IBTK: variants seen among roughly 807,000 people sequenced by gnomAD.
IBTK encodes inhibitor of Bruton tyrosine kinase.
In IBTK, 83 loss-of-function variants were observed where a neutral mutation model predicts 154.9. The observed-to-expected ratio is 0.54, with a 90% CI of 0.45 to 0.64. The LOEUF (loss-of-function observed/expected upper bound fraction) is 0.64. Among genes scored for constraint, IBTK ranks in the 30% least tolerant of loss-of-function variants. The probability of loss-of-function intolerance (pLI) is 0.00; values close to 1 mark genes in which losing one functional copy is unlikely to be tolerated. For synonymous variants in IBTK, 515 were observed against 536.1 expected (o/e 0.96, Z 0.54); for missense variants, 1,332 against 1,584.6 (o/e 0.84, Z 2.71).
chr6:82,223,194 C>G lies in IBTK; in HGVS notation c.1124+246G>C, dbSNP rs115958020. Among the ~76,000 whole-genome samples the G allele has an allele frequency of 7.2e-3, 1,101 of 152,122 alleles. 16 individuals are homozygous for G. Among genetic ancestry groups the G allele is most frequent in the African/African-American group, 0.024 (1,012 of 41,490 alleles). Reference sequence around the variant, plus strand: ...CAAAAAAAGAAAAAAATATATAGCTCATATTTAACTACATATTAAACATAA... The same window carrying G: ...CAAAAAAAGAAAAAAATATATAGCTGATATTTAACTACATATTAAACATAA... On this transcript the variant is annotated intron_variant, in intron 8 of 28. Coordinates refer to ENST00000306270, the MANE Select transcript of IBTK (RefSeq NM_015525.4).
At chr6:82,197,566 T>C (rs1320747014) in intron 21 of IBTK, among the ~76,000 whole-genome samples, 1 of 152,144 alleles carries the variant, frequency 6.6e-6, no homozygotes, top group Non-Finnish European at 1.5e-5. Flanking sequence ...AGAGACAGCG[T>C]TTCACCATAT....
intron 19 of IBTK, among the ~76,000 whole-genome samples, chr6:82,201,188 C>T (rs867242273): frequency 5.1e-4 from 78 of 152,022 alleles, no homozygotes; most frequent in African/African-American, 1.9e-3. Flanking sequence ...CTGAGGCTTT[C>T]AGTAACTTTC....
chr6:82,185,744 A>G (rs768683435), intron 25 of IBTK, among the ~76,000 whole-genome samples: 2 of 152,092 alleles, frequency 1.3e-5, no homozygotes, highest in Non-Finnish European at 2.9e-5. Flanking sequence ...TATTCACTCA[A>G]TAATTAATGT....
chr6:82,216,284 G>T, intron 10 of IBTK, 34 bp from the exon 11 acceptor site: 1 of 1,364,514 alleles, frequency 7.3e-7, no homozygotes, highest in Non-Finnish European at 1.0e-6. Flanking sequence ...ATTAATCAAG[G>T]CTTTACTGAA....
At chr6:82,190,924 TC>T (rs759955302) in intron 25 of IBTK, 148 bp downstream of exon 25, 3 of 510,262 alleles carry the variant, frequency 5.9e-6, no homozygotes, top group Non-Finnish European at 9.5e-6. Context: ...TTTCCCAAGT[TC>T]CAATTTTTAA....
At chr6:82,194,206 CTACTGA>C (rs1034099906) in intron 23 of IBTK, among the ~76,000 whole-genome samples, 4 of 152,016 alleles carry the variant, frequency 2.6e-5, no homozygotes, top group Non-Finnish European at 5.9e-5. Flanking sequence ...TAAGAAATAA[CTACTGA>C]TACTAAGTTT....
intron 26 of IBTK, chr6:82,175,031 A>G (rs760428867): frequency 2.6e-4 from 117 of 455,832 alleles, no homozygotes; most frequent in Admixed American, 5.2e-4. Flanking sequence ...AGCATCACAC[A>G]CTGTTATTAT....
In IBTK at chr6:82,234,174, C is replaced by T. The variant is rs754960795; in HGVS notation, c.403G>A (p.Val135Ile). ...LVMKDRPTHVVFKNTDPTDVY... is the reference protein window; with the variant it reads ...LVMKDRPTHVIFKNTDPTDVY... ...ATTTTCTTACCAGTATTCTTGAATA[C>T]TACATGAGTTGGTCTATCCTTCATT... The change falls in exon 3 of 29, where the codon GTA becomes ATA. Residue 135 changes from valine to isoleucine, a missense_variant. By Grantham distance (29) the Val-to-Ile change is conservative. This residue lies in a region of IBTK where 114 missense variants were observed against 213.7 expected (regional missense o/e 0.53). Transcript: ENST00000306270. The T allele has an allele frequency of 1.3e-6, 2 of 1,589,170 alleles. No homozygotes were observed. The highest frequency in any genetic ancestry group is 1.1e-5 in the South Asian group (1 of 89,742).
chr6:82,180,504 G>C (rs1168226968), intron 26 of IBTK, among the ~76,000 whole-genome samples: 1 of 151,966 alleles, frequency 6.6e-6, no homozygotes. Flanking sequence ...TGCCCACCTC[G>C]GCCTCCCAAA....
chr6:82,201,558 T>C (rs991650402), intron 18 of IBTK, 76 bp from the exon 19 acceptor site: 4 of 921,424 alleles, frequency 4.3e-6, no homozygotes, highest in South Asian at 1.6e-5. Context: ...CATACGTAGA[T>C]ATTTCATATT....
chr6:82,209,029 A>G (rs1769524400), intron 16 of IBTK, among the ~76,000 whole-genome samples: 1 of 152,216 alleles, frequency 6.6e-6, no homozygotes, highest in African/African-American at 2.4e-5. Flanking sequence ...CAAAACCACA[A>G]TGTTGCATAA....
intron 4 of IBTK, among the ~76,000 whole-genome samples, chr6:82,229,074 G>A (rs1375412750): frequency 6.6e-6 from 1 of 151,992 alleles, no homozygotes; most frequent in Admixed American, 6.6e-5. Flanking sequence ...AATAACAAAT[G>A]GGGCTCTCTA....
chr6:82,211,353 T>C lies in IBTK; in HGVS notation c.2412+14A>G, dbSNP rs200445497. ...CATAGTTACCAACCTAGGCGCTTTT[T>C]ACTTAAATCTTACCTCAATCCATGA... On this transcript the variant is annotated intron_variant, in intron 15 of 28. Coordinates refer to ENST00000306270, the MANE Select transcript of IBTK (RefSeq NM_015525.4). 8.9e-5 allele frequency: 141 copies of C among 1,586,688 alleles called. No homozygotes were observed. Among genetic ancestry groups the C allele is most frequent in the Middle Eastern group, 4.4e-4 (2 of 4,504 alleles).
Position 82,224,166 on chromosome 6 carries a change from T to G in IBTK, c.845A>C (p.Lys282Thr), listed in dbSNP as rs1388744280. The G allele has an allele frequency of 6.2e-7, 1 of 1,613,746 alleles. No individual in the cohort carries two copies. Among genetic ancestry groups the G allele is most frequent in the Admixed American group, 1.7e-5 (1 of 60,022 alleles). Reference sequence around the variant, plus strand: ...TGCAACGCCAATGATTGTCCTTCCTTTCAGATATTTTGCCTGTATCTATTT... The same window carrying G: ...TGCAACGCCAATGATTGTCCTTCCTGTCAGATATTTTGCCTGTATCTATTT... The part of the protein sequence containing the change: ...VPRQIQAKYL[K>T]GRTIIGVAAG... Residue 282 changes from lysine (K) to threonine (T), a missense_variant, in exon 7 of 29, where the codon AAA (lysine) becomes ACA (threonine). By Grantham distance (78) the Lys-to-Thr change is moderately conservative. Transcript: ENST00000306270.
At chr6:82,188,486 T>C (rs1448692071) in intron 25 of IBTK, among the ~76,000 whole-genome samples, 2 of 152,204 alleles carry the variant, frequency 1.3e-5, no homozygotes, top group African/African-American at 4.8e-5. Context: ...TTTGGGCTAT[T>C]ACAGATAATA....
At chr6:82,237,734 A>T (rs1219928888) in intron 2 of IBTK, among the ~76,000 whole-genome samples, 1 of 150,882 alleles carries the variant, frequency 6.6e-6, no homozygotes, top group East Asian at 1.9e-4. Context: ...TTAACTCCAC[A>T]AAAGAATATT....
At chr6:82,189,066 C>G (rs1351854284) in intron 25 of IBTK, 3 of 436,886 alleles carry the variant, frequency 6.9e-6, no homozygotes, top group South Asian at 4.9e-5. Flanking sequence ...TTTAGAGAAG[C>G]CTAGGGGGAC....
In IBTK at chr6:82,181,962, A is replaced by G; in HGVS notation, c.3642T>C (p.Ser1214=). 1 of 1,606,144 alleles carries G rather than the reference A, an allele frequency of 6.2e-7. No homozygotes were observed. Among genetic ancestry groups the G allele is most frequent in the Non-Finnish European group, 8.5e-7 (1 of 1,178,152 alleles). The change falls in exon 26 of 29, where the codon TCT becomes TCC. Residue 1214 remains serine, a synonymous_variant. Coordinates refer to ENST00000306270, the MANE Select transcript of IBTK (RefSeq NM_015525.4). ...FRDFLLEEKK[S]VTSHSSGDHV... ...GATCGCCTGAACTATGGCTAGTAAC[A>G]GACTTTTTTTCTTCTAGTAAGAAAT...
intron 4 of IBTK, among the ~76,000 whole-genome samples, chr6:82,228,013 C>A (rs1770361599): frequency 6.6e-6 from 1 of 151,918 alleles, no homozygotes; most frequent in Non-Finnish European, 1.5e-5. Flanking sequence ...CTCAGCAGAA[C>A]ACAATAACAG....
Sources: allele counts gnomAD v4.1 joint callset (sites outside exome capture counted in the v4.1 genomes callset), GRCh38; gene constraint gnomAD v4.1.1; regional missense constraint gnomAD v4.1.1; transcripts MANE v1.5; gene names NCBI Gene and HGNC (gene_info 2026-07-23, HGNC 2026-07-21).